The following ZBTB43 variants were observed in gnomAD, a reference collection of about 807,000 sequenced individuals.
ZBTB43 encodes zinc finger and BTB domain-containing protein 43.
ZBTB43 carries 6 observed loss-of-function variants against 31.1 expected under a neutral mutation model. The observed-to-expected ratio is 0.19, with a 90% confidence interval of 0.11 to 0.38. ZBTB43 has a LOEUF of 0.38. Among genes scored for constraint, ZBTB43 ranks in the 10% least tolerant of loss-of-function variants. ZBTB43 has a pLI of 1.00. For synonymous variants in ZBTB43, 212 were observed against 221.7 expected (o/e 0.96, Z 0.39); for missense variants, 379 against 602.1 (o/e 0.63, Z 3.88).
intron 2 of ZBTB43, among the ~76,000 whole-genome samples, chr9:126,809,900 A>C (rs1219091517): frequency 6.6e-6 from 1 of 151,194 alleles, no homozygotes; most frequent in Non-Finnish European, 1.5e-5. Flanking sequence ...CAGTGGCAGG[A>C]TCTCAGCTCA....
chr9:126,806,274 C>A (rs893989588), intron 1 of ZBTB43, among the ~76,000 whole-genome samples: 1 of 152,170 alleles, frequency 6.6e-6, no homozygotes, highest in Non-Finnish European at 1.5e-5. Flanking sequence ...TCTGGGATAA[C>A]TGCATGCTTA....
In ZBTB43 at chr9:126,833,200, A is replaced by G; in HGVS notation, c.691A>G (p.Met231Val). ...DSAEFHYTRP[M>V]YSKPSIMAHK... is the part of the protein sequence containing the mutation. ...CGCCGAGTTCCACTACACCCGGCCC[A>G]TGTACAGCAAGCCCAGCATCATGGC... The change falls in exon 3 of 3, where the codon ATG becomes GTG. Residue 231 changes from methionine (M) to valine (V), a missense_variant. Met to Val is a conservative substitution (Grantham distance 21). Around this residue, in one of 5 missense-constraint regions of ZBTB43, gnomAD observed 253 missense variants for 322.3 expected, o/e 0.79. Transcript: ENST00000373464. The surrounding 1 kb of genome is among the most constrained non-coding windows in gnomAD (Gnocchi z 7.9). 6.2e-7 allele frequency: 1 copy of G among 1,613,722 alleles called. No homozygotes were observed. The highest frequency in any genetic ancestry group is 8.5e-7 in the Non-Finnish European group (1 of 1,180,024).
chr9:126,826,013 A>AT (rs35825124), intron 2 of ZBTB43, among the ~76,000 whole-genome samples: 49,426 of 121,028 alleles, frequency 0.41, 11,774 homozygotes, highest in East Asian at 0.81. Flanking sequence ...TGCCCAGCCA[A>AT]TTTTTTTTTT....
At chr9:126,816,068 C>T (rs1339382234) in intron 2 of ZBTB43, among the ~76,000 whole-genome samples, 2 of 152,140 alleles carry the variant, frequency 1.3e-5, no homozygotes, top group Admixed American at 6.5e-5. Context: ...TAAGGCTTTT[C>T]TGAATACTCA....
At chr9:126,805,321 T>C (rs936396528) in intron 1 of ZBTB43, among the ~76,000 whole-genome samples, 189 bp downstream of exon 1, 5 of 152,188 alleles carry the variant, frequency 3.3e-5, no homozygotes, top group Non-Finnish European at 7.4e-5. Flanking sequence ...CCCGCAGTCT[T>C]CTGCCCACAC....
intron 1 of ZBTB43, among the ~76,000 whole-genome samples, chr9:126,806,190 T>C (rs1163979922): frequency 1.3e-5 from 2 of 152,160 alleles, no homozygotes; most frequent in African/African-American, 4.8e-5. Flanking sequence ...GTTACAGCTG[T>C]TTAACAGGCC....
intron 2 of ZBTB43, among the ~76,000 whole-genome samples, chr9:126,821,592 A>T (rs561087250): frequency 2.1e-4 from 32 of 152,296 alleles, no homozygotes; most frequent in African/African-American, 7.2e-4. Flanking sequence ...GAGAAATAGA[A>T]TTAGAAGTGG....
chr9:126,822,842 C>G (rs955649350), intron 2 of ZBTB43, among the ~76,000 whole-genome samples: 1 of 152,162 alleles, frequency 6.6e-6, no homozygotes, highest in Non-Finnish European at 1.5e-5. Context: ...AGACCCTCTA[C>G]CAGCAAAGGG....
intron 2 of ZBTB43, among the ~76,000 whole-genome samples, chr9:126,815,321 T>C (rs2032356725): frequency 6.9e-6 from 1 of 144,952 alleles, no homozygotes; most frequent in South Asian, 2.1e-4. Context: ...TAGTTTTCAA[T>C]ATATAAAACT....
In ZBTB43 at chr9:126,814,437, CT is replaced by C. The variant is rs983950045; in HGVS notation, c.-24+5534del. On this transcript the variant is annotated intron_variant, in intron 2 of 2. Coordinates refer to ENST00000373464, the MANE Select transcript of ZBTB43 (RefSeq NM_014007.4). ...TTGCTTGACTTTTGTTTTCATGTGA[CT>C]TTTTTTTTTTTAAACTTTTGACCTT... Among the ~76,000 whole-genome samples the C allele has an allele frequency of 9.6e-3, 1,352 of 141,134 alleles. 24 individuals carry two copies. The highest frequency in any genetic ancestry group is 0.03 in the African/African-American group (1,147 of 38,636). The allele number at this position is 141,134 out of a possible 152,430, so 92.6% of individuals were successfully genotyped here. A position where few individuals can be genotyped will look rare whatever the true frequency, so the allele number is the denominator to read the frequency against.
At chr9:126,804,509 A>C (rs2032079323), upstream of ZBTB43, among the ~76,000 whole-genome samples, 1 of 151,194 alleles carries the variant, frequency 6.6e-6, no homozygotes, top group South Asian at 2.1e-4. Context: ...TTGTTGTTTA[A>C]GAGTCTTGCT....
intron 2 of ZBTB43, chr9:126,831,468 A>G (rs2032761518): frequency 6.6e-6 from 1 of 151,354 alleles, no homozygotes; most frequent in Non-Finnish European, 1.5e-5. Context: ...GTGCCACTAC[A>G]CTCCAGCCTG....
At chr9:126,804,252 TTCTGTCCCACCA>T (rs770350945), upstream of ZBTB43, among the ~76,000 whole-genome samples, 1 of 152,052 alleles carries the variant, frequency 6.6e-6, no homozygotes, top group Non-Finnish European at 1.5e-5. Context: ...GAGAGATCGT[TTCTGTCCCACCA>T]TCTGTGTGAC....
At chr9:126,817,860 T>C (rs762201619) in intron 2 of ZBTB43, among the ~76,000 whole-genome samples, 1 of 152,136 alleles carries the variant, frequency 6.6e-6, no homozygotes, top group Non-Finnish European at 1.5e-5. Context: ...TCAGTATAGG[T>C]CACAATTGCC....
rs750030998 is a variant in ZBTB43 at position 126,832,369 on chromosome 9, G to T, written c.-23-118G>T. On this transcript the variant is annotated intron_variant, in intron 2 of 2. Coordinates refer to ENST00000373464, the MANE Select transcript of ZBTB43 (RefSeq NM_014007.4). ...CTAGGGATTGAATCCCTTACCCAGT[G>T]GGGCCCATAGGCTAGAGGACTTTGT... 4.3e-6 allele frequency: 4 copies of T among 939,710 alleles called. No homozygotes were observed. In the African/African-American group the frequency reaches 5.0e-5, roughly 12 times the overall value. The allele number at this position is 939,710 out of a possible 1,614,324, so 58.2% of individuals were successfully genotyped here. A position where few individuals can be genotyped will look rare whatever the true frequency, so the allele number is the denominator to read the frequency against.
intron 2 of ZBTB43, among the ~76,000 whole-genome samples, chr9:126,813,434 A>T (rs1278916306): frequency 6.6e-6 from 1 of 152,054 alleles, no homozygotes; most frequent in African/African-American, 2.4e-5. Flanking sequence ...TGCTGCCCCA[A>T]TGTAGACGTC....
At chr9:126,813,350 T>C (rs1343329732) in intron 2 of ZBTB43, among the ~76,000 whole-genome samples, 2 of 152,196 alleles carry the variant, frequency 1.3e-5, no homozygotes, top group Non-Finnish European at 2.9e-5. Flanking sequence ...CTTCAGACTT[T>C]CTCCTGCTTT....
rs543771769 is a variant in ZBTB43 at position 126,836,614 on chromosome 9, C to G, written c.*2701C>G. 6.0e-6 allele frequency: 1 copy of G among 167,056 alleles called. No individual in the cohort carries two copies. Among genetic ancestry groups the G allele is most frequent in the South Asian group, 2.1e-4 (1 of 4,822 alleles). 10.3% of individuals were successfully genotyped at this position (167,056 alleles called of 1,614,324 possible). On this transcript the variant is annotated 3_prime_UTR_variant, in exon 3 of 3. Coordinates refer to ENST00000373464, the MANE Select transcript of ZBTB43 (RefSeq NM_014007.4). Reference sequence around the variant, plus strand: ...TGGAGGAATAGTCTCTTCTCTTCACCTCAATATAGCTTTAGAAAATCTTTA... The same window carrying G: ...TGGAGGAATAGTCTCTTCTCTTCACGTCAATATAGCTTTAGAAAATCTTTA...
At chr9:126,809,895 G>T (rs1279441840) in intron 2 of ZBTB43, among the ~76,000 whole-genome samples, 1 of 151,842 alleles carries the variant, frequency 6.6e-6, no homozygotes, top group Non-Finnish European at 1.5e-5. Flanking sequence ...GAGTGCAGTG[G>T]CAGGATCTCA....
Sources: allele counts gnomAD v4.1 joint callset (sites outside exome capture counted in the v4.1 genomes callset), GRCh38; gene constraint gnomAD v4.1.1; regional missense constraint gnomAD v4.1.1; non-coding constraint Gnocchi (gnomAD v3.1); transcripts MANE v1.5; gene names NCBI Gene and HGNC (gene_info 2026-07-23, HGNC 2026-07-21).